SH3RF1: variants seen among roughly 807,000 people sequenced by gnomAD.
SH3RF1 encodes the protein SH3 domain containing ring finger 1.
A neutral mutation model predicts 74.0 loss-of-function variants in SH3RF1; 32 were observed. The ratio of observed to expected loss-of-function variants is 0.43; its 90% CI spans 0.33 to 0.58. The LOEUF (loss-of-function observed/expected upper bound fraction) is 0.58. Among genes scored for constraint, SH3RF1 ranks in the 20% least tolerant of loss-of-function variants. SH3RF1 has a pLI of 0.05. For missense variants in SH3RF1, 954 were observed against 1,130.9 expected, an observed-to-expected ratio of 0.84 and a Z score of 2.24; for synonymous variants, 396 against 439.6, an observed-to-expected ratio of 0.90 and a Z score of 1.24.
At chr4:169,223,229 A>C (rs1392228389) in intron 2 of SH3RF1, among the ~76,000 whole-genome samples, 1 of 152,206 alleles carries the variant, frequency 6.6e-6, no homozygotes, top group Non-Finnish European at 1.5e-5. Context: ...GGATAGTAAC[A>C]TGCAATGGCC....
At chr4:169,268,259 C>T (rs997805988) in intron 2 of SH3RF1, among the ~76,000 whole-genome samples, 1 of 152,142 alleles carries the variant, frequency 6.6e-6, no homozygotes, top group Non-Finnish European at 1.5e-5. Context: ...TCCTAAGTGA[C>T]ATTTTGTTGC....
At chr4:169,122,063 G>T in intron 7 of SH3RF1, 37 bp downstream of exon 7, 1 of 1,599,556 alleles carries the variant, frequency 6.3e-7, no homozygotes, top group South Asian at 1.1e-5. Context: ...TCGTTTAAAT[G>T]AACACATAAG....
chr4:169,108,766 T>C (rs1047128930), intron 10 of SH3RF1, among the ~76,000 whole-genome samples: 1 of 152,248 alleles, frequency 6.6e-6, no homozygotes, highest in Non-Finnish European at 1.5e-5. Flanking sequence ...CCTCACAAAC[T>C]TGGACTGCCT....
intron 2 of SH3RF1, among the ~76,000 whole-genome samples, chr4:169,261,643 T>A (rs970404750): frequency 1.8e-4 from 27 of 150,938 alleles, no homozygotes; most frequent in Admixed American, 4.0e-4. Context: ...TTCTTATAGA[T>A]CAATGTGAGT....
intron 2 of SH3RF1, among the ~76,000 whole-genome samples, chr4:169,266,552 T>C (rs1197526713): frequency 6.7e-6 from 1 of 150,066 alleles, no homozygotes; most frequent in East Asian, 2.0e-4. Flanking sequence ...CCCTGACTGT[T>C]CTGAATATTT....
At chr4:169,168,121 C>G (rs1264176126) in intron 2 of SH3RF1, among the ~76,000 whole-genome samples, 1 of 152,160 alleles carries the variant, frequency 6.6e-6, no homozygotes, top group Non-Finnish European at 1.5e-5. Flanking sequence ...GCCTGGGCAA[C>G]AGAGTGAGAC....
rs889374590 is a variant in SH3RF1, at chr4:169,179,072, C to A, written c.394-22393G>T. 2.0e-5 allele frequency among the ~76,000 whole-genome samples: 3 copies of A among 152,178 alleles called. No homozygotes were observed. The South Asian group carries it at 6.2e-4, about 32-fold the overall frequency. On this transcript the variant is annotated intron_variant, in intron 2 of 11. Transcript: ENST00000284637. ...CCCATGAATCTGTTGCCTTACATGG[C>A]AAAAGGGATTTTACAGATGGAAAGA...
In SH3RF1 at chr4:169,096,382, G is replaced by A; in HGVS notation, c.*137C>T. On this transcript the variant is annotated 3_prime_UTR_variant, in exon 12 of 12. Transcript: ENST00000284637. ...TTCTGCTCGCTGGGGTAACTGTGCT[G>A]GGGCATCAGAGTCACATACCAATCC... 8 of 862,546 alleles carry A rather than the reference G, an allele frequency of 9.3e-6. No homozygotes were observed. The highest frequency in any genetic ancestry group is 1.3e-5 in the Non-Finnish European group (7 of 557,082). The allele number at this position is 862,546 out of a possible 1,614,324, so 53.4% of individuals were successfully genotyped here.
In SH3RF1 at chr4:169,117,537, T is replaced by C. The variant is rs1412590104; in HGVS notation, c.1763A>G (p.Asn588Ser). 1.2e-6 allele frequency: 2 copies of C among 1,614,266 alleles called. No homozygotes were observed. The highest frequency in any genetic ancestry group is 1.7e-6 in the Non-Finnish European group (2 of 1,180,052). ...TGQMTVNQAR[N>S]AVRTVAAHNQ... ...TTCCTCCTTACCTGTCCTCACAGCA[T>C]TGCGGGCCTGGTTGACTGTCATTTG... The change falls in exon 9 of 12, where the codon AAT (asparagine) becomes AGT (serine). Residue 588 changes from asparagine (N) to serine (S), a missense_variant. By Grantham distance (46) the Asn-to-Ser change is conservative. Coordinates refer to ENST00000284637, the MANE Select transcript of SH3RF1 (RefSeq NM_020870.4).
chr4:169,264,254 C>T (rs1731319518), intron 2 of SH3RF1, among the ~76,000 whole-genome samples: 1 of 152,172 alleles, frequency 6.6e-6, no homozygotes, highest in Non-Finnish European at 1.5e-5. Context: ...TGGTAAGTGG[C>T]ATCTTCTCCA....
intron 2 of SH3RF1, among the ~76,000 whole-genome samples, chr4:169,172,015 G>C (rs540842542): frequency 6.6e-6 from 1 of 152,268 alleles, no homozygotes; most frequent in African/African-American, 2.4e-5. Context: ...AGAATAGAAT[G>C]TTATAAACTC....
At position 169,268,842 on chromosome 4, in the gene SH3RF1, T is replaced by G. The variant is rs759739902; in HGVS notation, c.371A>C (p.Gln124Pro). ...TACCCTCACTGGGGGGCTCCAGGAT[T>G]GCACCCGAGGCTGCTGTCCGCCCTG... The part of the protein sequence containing the change: ...SSQGGQQPRV[Q>P]SWSPPVRGIP... Residue 124 changes from glutamine to proline, a missense_variant, in exon 2 of 12, where the codon CAA becomes CCA. Physicochemically the swap from Gln to Pro is moderately conservative, Grantham distance 76. Coordinates refer to ENST00000284637, the MANE Select transcript of SH3RF1 (RefSeq NM_020870.4). 1.2e-6 allele frequency: 2 copies of G among 1,604,584 alleles called. No individual in the cohort carries two copies. Among genetic ancestry groups the G allele is most frequent in the South Asian group, 2.2e-5 (2 of 89,416 alleles).
intron 2 of SH3RF1, among the ~76,000 whole-genome samples, chr4:169,236,374 TATA>T (rs1291724899): frequency 6.6e-6 from 1 of 152,190 alleles, no homozygotes; most frequent in Non-Finnish European, 1.5e-5. Flanking sequence ...CTCTAATGAC[TATA>T]ATGAGCGGTG....
At chr4:169,141,566 A>T (rs1733786623) in intron 4 of SH3RF1, among the ~76,000 whole-genome samples, 1 of 149,948 alleles carries the variant, frequency 6.7e-6, no homozygotes, top group African/African-American at 2.5e-5. Context: ...TTTTTTTAGG[A>T]TTTGCTTATT....
intron 2 of SH3RF1, among the ~76,000 whole-genome samples, chr4:169,207,600 T>C (rs547237154): frequency 6.6e-6 from 1 of 152,310 alleles, no homozygotes; most frequent in East Asian, 1.9e-4. Context: ...TAGAATTCTG[T>C]CCATAGTATG....
rs1474115173 is a variant in SH3RF1, at chr4:169,270,898, G to A, written c.-135C>T. Reference sequence around the variant, plus strand: ...CCTCCTCTTTGTTCGCGGCCCCGCAGCGGCTGCGGCGGCTGATGCAGATGC... The same window carrying A: ...CCTCCTCTTTGTTCGCGGCCCCGCAACGGCTGCGGCGGCTGATGCAGATGC... On this transcript the variant is annotated 5_prime_UTR_variant, in exon 1 of 12. Coordinates refer to ENST00000284637, the MANE Select transcript of SH3RF1 (RefSeq NM_020870.4). 2 of 152,196 alleles carry A rather than the reference G, an allele frequency of 1.3e-5. No homozygotes were observed. The highest frequency in any genetic ancestry group is 2.9e-5 in the Non-Finnish European group (2 of 68,078). The allele number at this position is 152,196 out of a possible 1,614,324, so 9.4% of individuals were successfully genotyped here.
At chr4:169,106,523 G>A (rs558830833) in intron 11 of SH3RF1, among the ~76,000 whole-genome samples, 22 of 151,736 alleles carry the variant, frequency 1.4e-4, no homozygotes, top group African/African-American at 3.4e-4. Flanking sequence ...TAGTGGCAAC[G>A]GAATAGAAAT....
intron 5 of SH3RF1, among the ~76,000 whole-genome samples, chr4:169,133,206 A>G (rs369003831): frequency 6.6e-6 from 1 of 152,326 alleles, no homozygotes; most frequent in African/African-American, 2.4e-5. Context: ...CCAACTGCCT[A>G]TATCTAGATT....
intron 1 of SH3RF1, 156 bp downstream of exon 1, chr4:169,270,703 G>C (rs573061623): frequency 1.3e-5 from 2 of 152,362 alleles, no homozygotes; most frequent in Admixed American, 1.3e-4. Flanking sequence ...CGCTTCCGCA[G>C]GTCCTGATTC....
Sources: gnomAD v4.1 joint callset for allele counts (sites outside exome capture counted in the v4.1 genomes callset) on GRCh38, gnomAD v4.1.1 for gene constraint, MANE v1.5 for transcripts, NCBI Gene and HGNC (gene_info 2026-07-23, HGNC 2026-07-21) for gene names.